Variants in OSTN observed in about 807,000 individuals in gnomAD.
The protein encoded by OSTN is osteocrin.
A neutral mutation model predicts 12.0 loss-of-function variants in OSTN; 9 were observed. That is an observed-to-expected ratio of 0.75 (90% CI 0.45 to 1.30). The LOEUF (loss-of-function observed/expected upper bound fraction) is 1.30. OSTN is among the 50% of genes most tolerant of loss of function. The pLI is 0.00. For missense variants in OSTN, 148 were observed against 152.3 expected, an observed-to-expected ratio of 0.97 and a Z score of 0.15; for synonymous variants, 59 against 56.9, an observed-to-expected ratio of 1.04 and a Z score of -0.16.
intron 4 of OSTN, among the ~76,000 whole-genome samples, chr3:191,257,709 T>C (rs1276916600): frequency 1.3e-5 from 2 of 152,234 alleles, no homozygotes; most frequent in Non-Finnish European, 2.9e-5. Context: ...CAGACAAAAA[T>C]GTCTACATTA....
chr3:191,259,200 GT>G (rs34341899), intron 4 of OSTN, among the ~76,000 whole-genome samples: 28,867 of 147,222 alleles, frequency 0.2, 3,008 homozygotes, highest in Admixed American at 0.26. Context: ...AAAACAATCT[GT>G]TTTTTTTTTT....
At position 191,262,111 on chromosome 3, in the gene OSTN, G is replaced by A. The variant is rs562675223; in HGVS notation, c.*13-755G>A. ...CATGGGCCTATAATCCCAGCTACTC[G>A]GGAGACTGAGACAGGAGAATCGCTT... On this transcript the variant is annotated intron_variant, in intron 4 of 4. Coordinates refer to ENST00000682035, the MANE Select transcript of OSTN (RefSeq NM_198184.2). Among the ~76,000 whole-genome samples, 7 of 152,240 alleles carry A rather than the reference G, an allele frequency of 4.6e-5. No homozygotes were observed. In the East Asian group the frequency reaches 5.8e-4, roughly 13 times the overall value.
rs1177205015 is a variant in OSTN, at chr3:191,264,755, A to G, written c.*1902A>G. On this transcript the variant is annotated 3_prime_UTR_variant, in exon 5 of 5. Transcript: ENST00000682035. Reference sequence around the variant, plus strand: ...TGGGTATTTGTAAGCTTCTAATCCAATTGGGTTCTGCTTCATGCTTTGACA... The same window carrying G: ...TGGGTATTTGTAAGCTTCTAATCCAGTTGGGTTCTGCTTCATGCTTTGACA... 6.6e-6 allele frequency: 1 copy of G among 152,102 alleles called. No homozygotes were observed. The highest frequency in any genetic ancestry group is 1.5e-5 in the Non-Finnish European group (1 of 67,966). 9.4% of individuals were successfully genotyped at this position (152,102 alleles called of 1,614,324 possible).
intron 3 of OSTN, among the ~76,000 whole-genome samples, chr3:191,248,738 G>A (rs950064863): frequency 6.6e-5 from 10 of 152,118 alleles, no homozygotes; most frequent in Non-Finnish European, 1.3e-4. Flanking sequence ...TTGTGCTCAG[G>A]AGTTTGAAAT....
intron 1 of OSTN, among the ~76,000 whole-genome samples, chr3:191,200,844 G>T (rs1714136750): frequency 2.0e-5 from 3 of 152,098 alleles, no homozygotes; most frequent in Non-Finnish European, 4.4e-5. Flanking sequence ...GACAACTTTT[G>T]CTTAGATTCA....
At chr3:191,212,818 TATATATTAC>T (rs1451947810) in intron 2 of OSTN, among the ~76,000 whole-genome samples, 184 bp downstream of exon 2, 6 of 147,468 alleles carry the variant, frequency 4.1e-5, no homozygotes, top group Non-Finnish European at 7.5e-5. Flanking sequence ...TGTATATATT[TATATATTAC>T]ATATATATTC....
chr3:191,203,178 A>G (rs1576920217), intron 1 of OSTN, among the ~76,000 whole-genome samples: 1 of 152,202 alleles, frequency 6.6e-6, no homozygotes, highest in African/African-American at 2.4e-5. Flanking sequence ...GGATATTAGT[A>G]TCTGCCCCGC....
intron 4 of OSTN, among the ~76,000 whole-genome samples, chr3:191,259,654 CT>C (rs1715758461): frequency 6.6e-6 from 1 of 151,898 alleles, no homozygotes. Context: ...ACAGGGCCCC[CT>C]GACTGGGTAT....
At chr3:191,237,442 G>T (rs1397210643) in intron 3 of OSTN, among the ~76,000 whole-genome samples, 1 of 152,180 alleles carries the variant, frequency 6.6e-6, no homozygotes, top group African/African-American at 2.4e-5. Flanking sequence ...TTTAGAGTGG[G>T]GTGGAAGTTT....
chr3:191,250,464 A>G (rs1161813792), intron 4 of OSTN, among the ~76,000 whole-genome samples: 1 of 152,162 alleles, frequency 6.6e-6, no homozygotes, highest in Non-Finnish European at 1.5e-5. Flanking sequence ...ACCTCCATAA[A>G]TATATAAAAA....
intron 3 of OSTN, among the ~76,000 whole-genome samples, chr3:191,223,187 CAGCTTGCA>C (rs965331610): frequency 6.6e-6 from 1 of 152,106 alleles, no homozygotes; most frequent in African/African-American, 2.4e-5. Context: ...AAATATAGCT[CAGCTTGCA>C]AGAAAAAAGG....
intron 1 of OSTN, among the ~76,000 whole-genome samples, chr3:191,201,725 T>C (rs1714156651): frequency 6.6e-6 from 1 of 152,188 alleles, no homozygotes; most frequent in Admixed American, 6.5e-5. Flanking sequence ...TTTCTTACTA[T>C]ATTTTCTATC....
intron 3 of OSTN, among the ~76,000 whole-genome samples, chr3:191,221,848 G>A (rs1200991691): frequency 1.3e-5 from 2 of 152,206 alleles, no homozygotes; most frequent in African/African-American, 2.4e-5. Context: ...CTTCACAGCA[G>A]CCCCTCCCAT....
At chr3:191,224,845 AAAG>A (rs1444179754) in intron 3 of OSTN, among the ~76,000 whole-genome samples, 1 of 152,096 alleles carries the variant, frequency 6.6e-6, no homozygotes, top group Admixed American at 6.6e-5. Flanking sequence ...GATGGGCAGA[AAAG>A]AAAATATTAG....
chr3:191,240,892 T>C (rs533796715), intron 3 of OSTN, among the ~76,000 whole-genome samples: 26 of 152,368 alleles, frequency 1.7e-4, no homozygotes, highest in African/African-American at 5.8e-4. Flanking sequence ...CTGCAATAGC[T>C]TTCATTACTT....
At chr3:191,224,119 T>C (rs902828000) in intron 3 of OSTN, among the ~76,000 whole-genome samples, 1 of 152,154 alleles carries the variant, frequency 6.6e-6, no homozygotes, top group Non-Finnish European at 1.5e-5. Context: ...GACTCATGCC[T>C]GTAATCCCAG....
chr3:191,238,203 G>A (rs6794026), intron 3 of OSTN, among the ~76,000 whole-genome samples: 92,155 of 151,924 alleles, frequency 0.61, 29,139 homozygotes, highest in Middle Eastern at 0.73. Flanking sequence ...TGTGACTGAG[G>A]CATTTCTCAA....
intron 4 of OSTN, among the ~76,000 whole-genome samples, chr3:191,251,211 A>G (rs1715555087): frequency 6.6e-6 from 1 of 152,248 alleles, no homozygotes; most frequent in Admixed American, 6.5e-5. Flanking sequence ...CACATAGAGT[A>G]TAAGTGGTAC....
At chr3:191,235,486 A>G (rs1715166167) in intron 3 of OSTN, among the ~76,000 whole-genome samples, 1 of 152,166 alleles carries the variant, frequency 6.6e-6, no homozygotes, top group South Asian at 2.1e-4. Flanking sequence ...TACTTGACAT[A>G]ATATCATGAC....
Sources: allele counts gnomAD v4.1 joint callset (sites outside exome capture counted in the v4.1 genomes callset), GRCh38; gene constraint gnomAD v4.1.1; transcripts MANE v1.5; gene names NCBI Gene and HGNC (gene_info 2026-07-23, HGNC 2026-07-21).